Variants in TGFB2 observed in about 807,000 individuals in gnomAD.
The protein encoded by TGFB2 is transforming growth factor beta-2 proprotein.
TGFB2 carries 13 observed loss-of-function variants against 42.7 expected under a neutral mutation model. That is an observed-to-expected ratio of 0.30 (90% confidence interval 0.20 to 0.48). The LOEUF (loss-of-function observed/expected upper bound fraction) is 0.48. TGFB2 is among the 20% of genes least tolerant of loss of function. The pLI is 0.99. For missense variants in TGFB2, 390 were observed against 517.5 expected, an observed-to-expected ratio of 0.75 and a Z score of 2.39; for synonymous variants, 193 against 193.6, an observed-to-expected ratio of 1.00 and a Z score of 0.03.
At chr1:218,411,566 G>A (rs1659098915) in intron 2 of TGFB2, among the ~76,000 whole-genome samples, 3 of 152,138 alleles carry the variant, frequency 2.0e-5, no homozygotes, top group South Asian at 2.1e-4. Context: ...GAAACTGCAA[G>A]TCCTCTTAAA....
chr1:218,416,457 A>G (rs918571201), intron 2 of TGFB2, among the ~76,000 whole-genome samples: 3 of 152,182 alleles, frequency 2.0e-5, no homozygotes, highest in African/African-American at 7.2e-5. Flanking sequence ...TCCAGCATAC[A>G]TACTTGAGAA....
intron 1 of TGFB2, among the ~76,000 whole-genome samples, chr1:218,360,461 A>G (rs1451166020): frequency 1.3e-5 from 2 of 152,136 alleles, no homozygotes; most frequent in Non-Finnish European, 2.9e-5. Flanking sequence ...TAAAAATATC[A>G]GGTTTCTCAC....
At chr1:218,414,710 T>C (rs1209454464) in intron 2 of TGFB2, among the ~76,000 whole-genome samples, 1 of 152,230 alleles carries the variant, frequency 6.6e-6, no homozygotes, top group Non-Finnish European at 1.5e-5. Context: ...TTCAAATAAA[T>C]GTTAGTGAAT....
chr1:218,412,744 T>C (rs1659142122), intron 2 of TGFB2, among the ~76,000 whole-genome samples: 1 of 152,216 alleles, frequency 6.6e-6, no homozygotes, highest in Non-Finnish European at 1.5e-5. Flanking sequence ...TGCTTAGATT[T>C]TGACTTCTAT....
intron 1 of TGFB2, among the ~76,000 whole-genome samples, chr1:218,383,988 T>G (rs189987143): frequency 1.3e-4 from 20 of 152,376 alleles, no homozygotes; most frequent in African/African-American, 4.8e-4. Flanking sequence ...TTGTCATTTA[T>G]GACGATTTTG....
chr1:218,422,455 A>G (rs1243508476), intron 2 of TGFB2, among the ~76,000 whole-genome samples: 1 of 152,156 alleles, frequency 6.6e-6, no homozygotes, highest in Admixed American at 6.5e-5. Flanking sequence ...TTCTGGGCTC[A>G]AACGATCCTT....
intron 1 of TGFB2, among the ~76,000 whole-genome samples, chr1:218,368,619 T>C (rs1003056652): frequency 1.3e-5 from 2 of 152,146 alleles, no homozygotes; most frequent in Non-Finnish European, 2.9e-5. Flanking sequence ...GAAGTAGAGA[T>C]TGGTCACAGG....
Position 218,434,351 on chromosome 1 carries a change from A to G in TGFB2, c.657A>G (p.Gly219=). 1 of 1,613,872 alleles carries G rather than the reference A, an allele frequency of 6.2e-7. No homozygotes were observed. The highest frequency in any genetic ancestry group is 1.3e-5 in the African/African-American group (1 of 75,050). ...AATGTTTTCCAGACAGGAACCTGGG[A>G]TTTAAAATAAGCTTACACTGTCCCT... ...EWLHHKDRNL[G]FKISLHCPCC... The change falls in exon 4 of 7, where the codon GGA becomes GGG. Residue 219 remains glycine (G), a synonymous_variant. Transcript: ENST00000366930.
chr1:218,346,417 G>T lies in TGFB2; in HGVS notation c.-285G>T, dbSNP rs1656679051. ...CGTCTCTTTTTTTCCCCATCTCATT[G>T]CTCCAAGAATTTTTTTCTTCTTACT... On this transcript the variant is annotated 5_prime_UTR_variant, in exon 1 of 7. Transcript: ENST00000366930. The surrounding 1 kb of genome is among the most constrained non-coding windows in gnomAD (Gnocchi z 4.9). 1.5e-5 allele frequency: 5 copies of T among 332,598 alleles called. No homozygotes were observed. The highest frequency in any genetic ancestry group is 5.1e-5 in the Admixed American group (1 of 19,748). The allele number at this position is 332,598 out of a possible 1,614,324, so 20.6% of individuals were successfully genotyped here. A position where few individuals can be genotyped will look rare whatever the true frequency, so the allele number is the denominator to read the frequency against.
At chr1:218,401,503 T>C (rs963480175) in intron 1 of TGFB2, among the ~76,000 whole-genome samples, 1 of 152,092 alleles carries the variant, frequency 6.6e-6, no homozygotes, top group Non-Finnish European at 1.5e-5. Context: ...CCTCCTGGTG[T>C]GAAATCCAAA....
intron 1 of TGFB2, among the ~76,000 whole-genome samples, chr1:218,354,171 G>A (rs1041291853): frequency 4.6e-5 from 7 of 152,146 alleles, no homozygotes; most frequent in Non-Finnish European, 1.0e-4. Context: ...TTTGATCAAG[G>A]AATGTTTGAC....
rs1195847151 is a variant in TGFB2, at chr1:218,345,963, C to A, written c.-739C>A. 6.6e-6 allele frequency among the ~76,000 whole-genome samples: 1 copy of A among 151,864 alleles called. No individual in the cohort carries two copies. The highest frequency in any genetic ancestry group is 1.5e-5 in the Non-Finnish European group (1 of 67,938). ...ATCCGCGCCGCCTCAGCAGCCTCTG[C>A]GGCCCCTGCGGCACCCGACCGAGTA... On this transcript the variant is annotated 5_prime_UTR_variant, in exon 1 of 7. Transcript: ENST00000366930.
intron 1 of TGFB2, among the ~76,000 whole-genome samples, chr1:218,404,140 C>A (rs1334651104): frequency 6.6e-6 from 1 of 151,580 alleles, no homozygotes; most frequent in East Asian, 1.9e-4. Context: ...TGAGATGGAA[C>A]CTCACCCTAT....
chr1:218,434,038 A>G (rs778840927), intron 2 of TGFB2, 44 bp from the exon 3 acceptor site: 2 of 1,608,390 alleles, frequency 1.2e-6, no homozygotes, highest in East Asian at 4.5e-5. Context: ...TCATGCTGTC[A>G]GAATGCCAAC....
chr1:218,369,457 G>A (rs190694018), intron 1 of TGFB2, among the ~76,000 whole-genome samples: 1 of 152,172 alleles, frequency 6.6e-6, no homozygotes, highest in Non-Finnish European at 1.5e-5. Flanking sequence ...GCAGGCTACA[G>A]TGGGTTTTGT....
chr1:218,386,260 T>C (rs955132453), intron 1 of TGFB2, among the ~76,000 whole-genome samples: 16 of 152,224 alleles, frequency 1.1e-4, no homozygotes, highest in Non-Finnish European at 1.9e-4. Flanking sequence ...CACAAGTGAC[T>C]TGCCTGCTGG....
At chr1:218,348,552 C>T (rs892910916) in intron 1 of TGFB2, among the ~76,000 whole-genome samples, 1 of 152,178 alleles carries the variant, frequency 6.6e-6, no homozygotes, top group Admixed American at 6.5e-5. Context: ...AGAATTCTGG[C>T]AAGCAGGATG....
chr1:218,381,815 C>T (rs1657970769), intron 1 of TGFB2, among the ~76,000 whole-genome samples: 2 of 151,994 alleles, frequency 1.3e-5, no homozygotes, highest in South Asian at 4.2e-4. Flanking sequence ...GATAGTGCTA[C>T]TAGGTGTGTG....
intron 1 of TGFB2, among the ~76,000 whole-genome samples, chr1:218,399,425 T>A (rs1434926582): frequency 2.0e-5 from 3 of 152,092 alleles, no homozygotes; most frequent in Non-Finnish European, 4.4e-5. Context: ...TTAAAAAAAA[T>A]TAGTACATAT....
Sources: allele counts gnomAD v4.1 joint callset (sites outside exome capture counted in the v4.1 genomes callset), GRCh38; gene constraint gnomAD v4.1.1; non-coding constraint Gnocchi (gnomAD v3.1); transcripts MANE v1.5; gene names NCBI Gene and HGNC (gene_info 2026-07-23, HGNC 2026-07-21).